AUTS2: variants seen among roughly 807,000 people sequenced by gnomAD.
The protein encoded by AUTS2 is activator of transcription and developmental regulator AUTS2, also known as autism susceptibility gene 2 protein.
In AUTS2, 17 loss-of-function variants were observed where a neutral mutation model predicts 112.4. That is an observed-to-expected ratio of 0.15 (90% CI 0.10 to 0.23). The LOEUF (loss-of-function observed/expected upper bound fraction) is 0.23. Ranked by LOEUF, AUTS2 falls within the 10% of genes least tolerant of loss-of-function variation. The probability of loss-of-function intolerance (pLI) is 1.00; values close to 1 mark genes in which losing one functional copy is unlikely to be tolerated. For synonymous variants in AUTS2, 751 were observed against 702.7 expected (o/e 1.07, Z -1.09); for missense variants, 1,510 against 1,701.6 (o/e 0.89, Z 1.98).
chr7:70,603,743 T>G (rs1333939093), intron 5 of AUTS2, among the ~76,000 whole-genome samples: 2 of 152,232 alleles, frequency 1.3e-5, no homozygotes, highest in Non-Finnish European at 2.9e-5. Context: ...GGGAAAATAC[T>G]TTATTTTTAA....
intron 1 of AUTS2, among the ~76,000 whole-genome samples, chr7:69,707,840 C>T (rs536928127): frequency 3.6e-4 from 55 of 152,102 alleles, no homozygotes; most frequent in Admixed American, 3.9e-4. Flanking sequence ...ACATTTTAAC[C>T]CCATTTGGGC....
At chr7:70,626,193 G>A (rs979534400) in intron 5 of AUTS2, among the ~76,000 whole-genome samples, 2 of 151,274 alleles carry the variant, frequency 1.3e-5, no homozygotes, top group Non-Finnish European at 2.9e-5. Context: ...GATTACAGGC[G>A]TGAGCCACCA....
At chr7:69,985,215 A>G (rs1798455672) in intron 2 of AUTS2, among the ~76,000 whole-genome samples, 1 of 142,516 alleles carries the variant, frequency 7.0e-6, no homozygotes, top group African/African-American at 2.7e-5. Flanking sequence ...TGAGCAACAG[A>G]GGAAGACTCT....
At chr7:69,676,459 T>C (rs1375989164) in intron 1 of AUTS2, among the ~76,000 whole-genome samples, 1 of 152,248 alleles carries the variant, frequency 6.6e-6, no homozygotes, top group Non-Finnish European at 1.5e-5. Flanking sequence ...TAGAAATGAC[T>C]ATAAACTGAG....
chr7:70,705,494 G>T (rs1190210133), intron 6 of AUTS2, among the ~76,000 whole-genome samples: 1 of 152,194 alleles, frequency 6.6e-6, no homozygotes, highest in Non-Finnish European at 1.5e-5. Context: ...TAACATCAAA[G>T]TATTTTACCT....
intron 2 of AUTS2, among the ~76,000 whole-genome samples, chr7:70,089,419 A>C (rs188219970): frequency 6.6e-6 from 1 of 152,252 alleles, no homozygotes; most frequent in Non-Finnish European, 1.5e-5. Flanking sequence ...TGCTATTGAT[A>C]TAGCTATTGC....
At chr7:70,446,269 A>G (rs948548091) in intron 5 of AUTS2, among the ~76,000 whole-genome samples, 9 of 152,168 alleles carry the variant, frequency 5.9e-5, no homozygotes, top group African/African-American at 1.9e-4. Context: ...AGCCATGTCC[A>G]TGTTAAAGAT....
intron 6 of AUTS2, among the ~76,000 whole-genome samples, chr7:70,738,655 G>A (rs562477601): frequency 6.6e-6 from 1 of 152,104 alleles, no homozygotes; most frequent in Non-Finnish European, 1.5e-5. Flanking sequence ...AATGCATGGC[G>A]CAAGGCTCCT....
At chr7:70,297,520 C>T (rs1788997727) in intron 4 of AUTS2, among the ~76,000 whole-genome samples, 1 of 151,654 alleles carries the variant, frequency 6.6e-6, no homozygotes, top group African/African-American at 2.4e-5. Flanking sequence ...AGCTCTGCCT[C>T]CCGGGTTCAC....
intron 5 of AUTS2, among the ~76,000 whole-genome samples, chr7:70,475,468 G>T (rs1254454167): frequency 6.6e-6 from 1 of 151,928 alleles, no homozygotes; most frequent in East Asian, 1.9e-4. Context: ...GTGCTCCTAG[G>T]TCCATTTAAA....
At chr7:70,007,720 G>A (rs532843694) in intron 2 of AUTS2, among the ~76,000 whole-genome samples, 33 of 152,102 alleles carry the variant, frequency 2.2e-4, no homozygotes, top group African/African-American at 7.7e-4. Flanking sequence ...GGTGAAGCTG[G>A]GATTTGAACC....
chr7:70,554,883 TGAC>T (rs1226194061), intron 5 of AUTS2, among the ~76,000 whole-genome samples: 2 of 152,244 alleles, frequency 1.3e-5, no homozygotes, highest in African/African-American at 4.8e-5. Flanking sequence ...CCTCCTGTGA[TGAC>T]AACACTGTGC....
rs191959123 is a variant in AUTS2, at chr7:69,719,323, C to T, written c.309+119361C>T. ...TCTCAATTTCTTCAACTGGGTCTCA[C>T]ATAAAACTGTCTTGAGACTTCTCTC... On this transcript the variant is annotated intron_variant, in intron 1 of 18. Coordinates refer to ENST00000342771, the MANE Select transcript of AUTS2 (RefSeq NM_015570.4). 2.6e-5 allele frequency among the ~76,000 whole-genome samples: 4 copies of T among 152,278 alleles called. No individual in the cohort carries two copies. In the East Asian group the frequency reaches 7.7e-4, roughly 29 times the overall value.
At chr7:70,593,642 A>G (rs1046591237) in intron 5 of AUTS2, among the ~76,000 whole-genome samples, 2 of 152,228 alleles carry the variant, frequency 1.3e-5, no homozygotes, top group Non-Finnish European at 2.9e-5. Flanking sequence ...AGCCCTATAT[A>G]TTTATAGTGC....
At chr7:70,719,331 C>T (rs1481971878) in intron 6 of AUTS2, among the ~76,000 whole-genome samples, 1 of 152,106 alleles carries the variant, frequency 6.6e-6, no homozygotes, top group Non-Finnish European at 1.5e-5. Context: ...CCAAAGTAAG[C>T]GTTTAGGGTT....
intron 5 of AUTS2, among the ~76,000 whole-genome samples, chr7:70,478,740 C>T (rs914300174): frequency 2.0e-4 from 29 of 145,618 alleles, no homozygotes; most frequent in African/African-American, 5.5e-4. Flanking sequence ...GTGTTCAAGA[C>T]TTGTTTTTTT....
chr7:70,662,086 G>A (rs1807106596), intron 5 of AUTS2, among the ~76,000 whole-genome samples: 2 of 152,182 alleles, frequency 1.3e-5, no homozygotes, highest in Admixed American at 6.5e-5. Flanking sequence ...GCCAGGTGGG[G>A]GCTGTCGGCC....
chr7:69,659,476 C>T (rs1452672739), intron 1 of AUTS2, among the ~76,000 whole-genome samples: 3 of 149,006 alleles, frequency 2.0e-5, no homozygotes, highest in South Asian at 4.3e-4. Context: ...TTCAAAACGC[C>T]GCTATACCTA....
intron 6 of AUTS2, among the ~76,000 whole-genome samples, chr7:70,712,786 C>T (rs1191538888): frequency 1.3e-5 from 2 of 152,076 alleles, no homozygotes; most frequent in African/African-American, 4.8e-5. Context: ...CGTAGTTGGG[C>T]AGCCTTTTTT....
Sources: gnomAD v4.1 joint callset for allele counts (sites outside exome capture counted in the v4.1 genomes callset) on GRCh38, gnomAD v4.1.1 for gene constraint, MANE v1.5 for transcripts, NCBI Gene and HGNC (gene_info 2026-07-23, HGNC 2026-07-21) for gene names.